KCMF1: variants seen among roughly 807,000 people sequenced by gnomAD.
The protein encoded by KCMF1 is E3 ubiquitin-protein ligase KCMF1.
A neutral mutation model predicts 41.1 loss-of-function variants in KCMF1; 3 were observed. The observed-to-expected ratio is 0.07, with a 90% CI of 0.03 to 0.19. The LOEUF is 0.19. Ranked by LOEUF, KCMF1 falls within the 10% of genes least tolerant of loss-of-function variation. The pLI is 1.00. For synonymous variants in KCMF1, 142 were observed against 164.5 expected (o/e 0.86, Z 1.04); for missense variants, 286 against 488.9 (o/e 0.58, Z 3.91).
At chr2:85,014,821 GCCTCAGCCTCCCAAAGTGTTTC>G (rs1394062656) in intron 1 of KCMF1, among the ~76,000 whole-genome samples, 13 of 151,362 alleles carry the variant, frequency 8.6e-5, no homozygotes, top group African/African-American at 2.9e-4. Context: ...CAGTCCTCCT[GCCTCAGCCTCCCAAAGTGTTTC>G]CCTCAGCCTC....
In KCMF1 at chr2:85,053,242, A is replaced by C; in HGVS notation, c.979A>C (p.Thr327Pro). ...GTTTGTCCAAGAGCTCCTTCTGTCCACTTTAGTGCGTGAAGAGAGCTCATC... is the reference window on the plus strand; with the variant it reads ...GTTTGTCCAAGAGCTCCTTCTGTCCCCTTTAGTGCGTGAAGAGAGCTCATC... The part of the protein sequence containing the change: ...SLFVQELLLS[T>P]LVREESSSSD... Residue 327 changes from threonine to proline, a missense_variant, in exon 7 of 7, where the codon ACT becomes CCT. This residue lies in a region of KCMF1 where 191 missense variants were observed against 279.3 expected (regional missense o/e 0.68). Coordinates refer to ENST00000409785, the MANE Select transcript of KCMF1 (RefSeq NM_020122.5). 1 of 1,614,004 alleles carries C rather than the reference A, an allele frequency of 6.2e-7. No individual in the cohort carries two copies. The highest frequency in any genetic ancestry group is 8.5e-7 in the Non-Finnish European group (1 of 1,179,890).
intron 1 of KCMF1, among the ~76,000 whole-genome samples, chr2:84,995,841 C>G (rs941020960): frequency 6.6e-6 from 1 of 152,018 alleles, no homozygotes; most frequent in Admixed American, 6.5e-5. Context: ...GTAAAATGCT[C>G]AAATGTAAAG....
At chr2:85,012,359 T>C (rs1674673640) in intron 1 of KCMF1, among the ~76,000 whole-genome samples, 1 of 152,242 alleles carries the variant, frequency 6.6e-6, no homozygotes, top group Non-Finnish European at 1.5e-5. Context: ...GCATTGTTAA[T>C]GAATATTAAA....
chr2:85,052,033 T>C (rs1224031048), intron 6 of KCMF1, among the ~76,000 whole-genome samples: 1 of 152,220 alleles, frequency 6.6e-6, no homozygotes, highest in African/African-American at 2.4e-5. Context: ...TCCAAGATAG[T>C]TGACCTTTTA....
At chr2:85,029,177 G>T (rs1023594585) in intron 2 of KCMF1, among the ~76,000 whole-genome samples, 13 of 145,412 alleles carry the variant, frequency 8.9e-5, no homozygotes, top group Admixed American at 7.3e-4. Context: ...TCACTATGTT[G>T]GCCAGGCTGG....
At chr2:85,025,231 T>G (rs1675070345) in intron 1 of KCMF1, among the ~76,000 whole-genome samples, 1 of 152,244 alleles carries the variant, frequency 6.6e-6, no homozygotes, top group Admixed American at 6.5e-5. Context: ...TTATATTTTT[T>G]AAAGTCCTTT....
chr2:85,053,161 A>G lies in KCMF1; in HGVS notation c.898A>G (p.Lys300Glu). 12 of 1,613,456 alleles carry G rather than the reference A, an allele frequency of 7.4e-6. No homozygotes were observed. The highest frequency in any genetic ancestry group is 1.0e-5 in the Non-Finnish European group (12 of 1,179,638). Residue 300 changes from lysine (K) to glutamate (E), a missense_variant, in exon 7 of 7, where the codon AAA becomes GAA. By Grantham distance (56) the Lys-to-Glu change is moderately conservative. This residue lies in a region of KCMF1 where 191 missense variants were observed against 279.3 expected (regional missense o/e 0.68). Transcript: ENST00000409785. ...QFLLTRLNDP[K>E]MSETERQSME... is the part of the protein sequence containing the mutation. ...TAACTTACACAGGTTGAATGATCCT[A>G]AAATGTCTGAAACGGAGCGCCAGTC...
Position 85,055,144 on chromosome 2 carries a change from T to C in KCMF1, c.*1735T>C, listed in dbSNP as rs1339313878. 2 of 152,330 alleles carry C rather than the reference T, an allele frequency of 1.3e-5. No individual in the cohort carries two copies. The highest frequency in any genetic ancestry group is 3.9e-4 in the East Asian group (2 of 5,186). The allele number at this position is 152,330 out of a possible 1,614,324, so 9.4% of individuals were successfully genotyped here. A position where few individuals can be genotyped will look rare whatever the true frequency, so the allele number is the denominator to read the frequency against. Reference sequence around the variant, plus strand: ...ATTAGGGATTTTCATTTTTTTTCATTTGGTTGTTGAGAAGTTTCAAAAATC... The same window carrying C: ...ATTAGGGATTTTCATTTTTTTTCATCTGGTTGTTGAGAAGTTTCAAAAATC... On this transcript the variant is annotated 3_prime_UTR_variant, in exon 7 of 7. Transcript: ENST00000409785.
rs149455001 is a variant in KCMF1 at position 85,052,398 on chromosome 2, G to A, written c.885-750G>A. On this transcript the variant is annotated intron_variant, in intron 6 of 6. Coordinates refer to ENST00000409785, the MANE Select transcript of KCMF1 (RefSeq NM_020122.5). ...ATCTAATCTTTTGACAGTGGGACCA[G>A]TTCATTTTGCTAACCCCAACTTGAA... Among the ~76,000 whole-genome samples, 617 of 152,302 alleles carry A rather than the reference G, an allele frequency of 4.1e-3. 2 individuals are homozygous for A. The highest frequency in any genetic ancestry group is 6.0e-3 in the Non-Finnish European group (406 of 68,028).
intron 1 of KCMF1, among the ~76,000 whole-genome samples, chr2:84,984,712 C>T (rs1459041700): frequency 2.6e-5 from 4 of 151,910 alleles, no homozygotes; most frequent in African/African-American, 4.8e-5. Context: ...CCTAGCTACT[C>T]GGGAGGCTGA....
Position 85,049,619 on chromosome 2 carries a change from T to G in KCMF1, c.855T>G (p.Thr285=). 6.2e-7 allele frequency: 1 copy of G among 1,613,356 alleles called. No homozygotes were observed. Among genetic ancestry groups the G allele is most frequent in the African/African-American group, 1.3e-5 (1 of 75,052 alleles). The change falls in exon 6 of 7, where the codon ACT becomes ACG. Residue 285 remains threonine, a synonymous_variant. Transcript: ENST00000409785. ...CTAATACAGAAAGCAGTCAGCAGAC[T>G]CTACAGAATTCCCAGTTTCTTTTAA... ...NIANTESSQQ[T]LQNSQFLLTR...
At chr2:85,004,037 A>G (rs923834300) in intron 1 of KCMF1, among the ~76,000 whole-genome samples, 2 of 152,200 alleles carry the variant, frequency 1.3e-5, no homozygotes, top group Non-Finnish European at 2.9e-5. Flanking sequence ...ACTAGTGGGC[A>G]GGTATACAGC....
chr2:85,031,669 A>G (rs1298264422), intron 2 of KCMF1, among the ~76,000 whole-genome samples: 2 of 152,236 alleles, frequency 1.3e-5, no homozygotes, highest in Non-Finnish European at 2.9e-5. Flanking sequence ...TATCAAGTTT[A>G]TTAGGATATA....
chr2:85,046,444 A>C (rs1412860598), intron 5 of KCMF1, among the ~76,000 whole-genome samples, 166 bp downstream of exon 5: 2 of 152,200 alleles, frequency 1.3e-5, no homozygotes, highest in African/African-American at 4.8e-5. Context: ...AGCCTGGCCA[A>C]CATGGCAAAA....
At chr2:85,006,696 A>G (rs3884014) in intron 1 of KCMF1, among the ~76,000 whole-genome samples, 20 of 152,184 alleles carry the variant, frequency 1.3e-4, no homozygotes, top group African/African-American at 4.6e-4. Flanking sequence ...TTCTTTGAGA[A>G]TGGAATTTTT....
chr2:85,043,452 G>A, intron 3 of KCMF1, 112 bp from the exon 4 acceptor site: 1 of 705,992 alleles, frequency 1.4e-6, no homozygotes. Context: ...GATCTGCTGT[G>A]TTTTCTGTTG....
At chr2:85,018,775 T>C (rs899408841) in intron 1 of KCMF1, among the ~76,000 whole-genome samples, 5 of 150,352 alleles carry the variant, frequency 3.3e-5, no homozygotes, top group Non-Finnish European at 3.0e-5. Context: ...GTTTCTGTTA[T>C]AATACTTTTC....
chr2:85,022,308 C>CA (rs199778122), intron 1 of KCMF1, among the ~76,000 whole-genome samples: 318 of 151,574 alleles, frequency 2.1e-3, no homozygotes, highest in African/African-American at 7.4e-3. Context: ...CCCATCTCTA[C>CA]AAAAAAAATA....
chr2:85,024,581 AGAGTGTGTGTGT>A (rs1675041444), intron 1 of KCMF1, among the ~76,000 whole-genome samples: 1 of 137,510 alleles, frequency 7.3e-6, no homozygotes, highest in Non-Finnish European at 1.6e-5. Context: ...AGAGAGAGAG[AGAGTGTGTGTGT>A]GTGTGTGTGT....
Sources: allele counts gnomAD v4.1 joint callset (sites outside exome capture counted in the v4.1 genomes callset), GRCh38; gene constraint gnomAD v4.1.1; regional missense constraint gnomAD v4.1.1; transcripts MANE v1.5; gene names NCBI Gene and HGNC (gene_info 2026-07-23, HGNC 2026-07-21).